Variants in LBR observed in about 807,000 individuals in gnomAD.
LBR encodes delta(14)-sterol reductase LBR.
In LBR, 28 loss-of-function variants were observed where a neutral mutation model predicts 74.3. The observed-to-expected ratio is 0.38, with a 90% CI of 0.28 to 0.52. LBR has a LOEUF of 0.52. Among genes scored for constraint, LBR ranks in the 20% least tolerant of loss-of-function variants. The pLI, the probability that LBR is intolerant of heterozygous loss-of-function variation, is 0.89. For synonymous variants in LBR, 228 were observed against 269.3 expected (o/e 0.85, Z 1.50); for missense variants, 717 against 760.3 (o/e 0.94, Z 0.67).
At chr1:225,414,836 G>A (rs2096113999) in intron 7 of LBR, among the ~76,000 whole-genome samples, 1 of 152,252 alleles carries the variant, frequency 6.6e-6, no homozygotes, top group East Asian at 1.9e-4. Flanking sequence ...AAGACAGATG[G>A]AGGTGAAGAT....
intron 11 of LBR, among the ~76,000 whole-genome samples, chr1:225,406,334 T>C (rs1210203137): frequency 6.6e-6 from 1 of 152,200 alleles, no homozygotes; most frequent in Non-Finnish European, 1.5e-5. Context: ...AAGACAAATC[T>C]TCTTACTTTA....
intron 1 of LBR, among the ~76,000 whole-genome samples, chr1:225,425,223 G>T (rs1240154237): frequency 2.1e-5 from 3 of 144,532 alleles, no homozygotes; most frequent in Non-Finnish European, 2.9e-5. Context: ...GTGGGAGAGT[G>T]GGGGGGGAGG....
intron 10 of LBR, among the ~76,000 whole-genome samples, chr1:225,410,072 C>G (rs1197544534): frequency 6.6e-6 from 1 of 152,192 alleles, no homozygotes; most frequent in Admixed American, 6.5e-5. Flanking sequence ...AACACAAGAA[C>G]AGCTGATAAA....
At chr1:225,420,648 T>C (rs1251624784) in intron 3 of LBR, among the ~76,000 whole-genome samples, 1 of 151,928 alleles carries the variant, frequency 6.6e-6, no homozygotes, top group South Asian at 2.1e-4. Context: ...AATGAAAGGA[T>C]AACAAAGTAT....
At chr1:225,417,056 T>C (rs1423687917) in intron 6 of LBR, among the ~76,000 whole-genome samples, 1 of 152,158 alleles carries the variant, frequency 6.6e-6, no homozygotes, top group African/African-American at 2.4e-5. Context: ...TATATGACTT[T>C]AAACACCAAA....
rs1165472350 is a variant in LBR at position 225,406,913 on chromosome 1, T to G, written c.1315-81A>C. 3 of 1,379,926 alleles carry G rather than the reference T, an allele frequency of 2.2e-6. No homozygotes were observed. In the East Asian group the frequency reaches 6.9e-5, roughly 32 times the overall value. 85.5% of individuals were successfully genotyped at this position (1,379,926 alleles called of 1,614,324 possible). On this transcript the variant is annotated intron_variant, in intron 10 of 13. Transcript: ENST00000272163. ...AATAAAGTACTAGTTTACAGGCAAA[T>G]GTAAAAAGTGCTATGGGCGGGTCCA...
intron 6 of LBR, among the ~76,000 whole-genome samples, chr1:225,415,909 G>A (rs927176100): frequency 4.6e-5 from 7 of 151,970 alleles, no homozygotes; most frequent in African/African-American, 1.7e-4. Flanking sequence ...TCTGCAATAA[G>A]AGACTGTGAG....
intron 8 of LBR, among the ~76,000 whole-genome samples, 181 bp from the exon 9 acceptor site, chr1:225,411,621 G>C (rs532580059): frequency 6.6e-6 from 1 of 152,178 alleles, no homozygotes; most frequent in Non-Finnish European, 1.5e-5. Context: ...ATGCCTGCCC[G>C]ACTGAAAAGG....
In LBR at chr1:225,402,640, T is replaced by C. The variant is rs1444444885; in HGVS notation, c.*663A>G. 6.6e-6 allele frequency: 1 copy of C among 152,624 alleles called. No individual in the cohort carries two copies. The highest frequency in any genetic ancestry group is 2.4e-5 in the African/African-American group (1 of 41,466). 9.5% of individuals were successfully genotyped at this position (152,624 alleles called of 1,614,324 possible). A position where few individuals can be genotyped will look rare whatever the true frequency, so the allele number is the denominator to read the frequency against. ...CCTGACAATCATCTCACATTCAAAA[T>C]ACTGTACAAAAAAATCTGAAGTCAC... On this transcript the variant is annotated 3_prime_UTR_variant, in exon 14 of 14. Transcript: ENST00000272163.
intron 13 of LBR, 113 bp downstream of exon 13, chr1:225,404,291 G>C: frequency 7.0e-7 from 1 of 1,436,066 alleles, no homozygotes. Flanking sequence ...AGTAGAAAAG[G>C]GCGACAAAAA....
At chr1:225,415,200 C>A in intron 7 of LBR, 78 bp downstream of exon 7, 1 of 949,750 alleles carries the variant, frequency 1.1e-6, no homozygotes, top group South Asian at 1.4e-5. Flanking sequence ...CTGGTCTAAT[C>A]AGCTTTAACA....
At chr1:225,412,424 T>G (rs2096107719) in intron 8 of LBR, 30 bp downstream of exon 8, 1 of 1,608,022 alleles carries the variant, frequency 6.2e-7, no homozygotes, top group African/African-American at 1.3e-5. Context: ...TGGGACGCAT[T>G]CATCCAACAT....
chr1:225,410,482 C>T, intron 9 of LBR, 66 bp from the exon 10 acceptor site: 7 of 1,551,508 alleles, frequency 4.5e-6, no homozygotes, highest in Non-Finnish European at 4.4e-6. Context: ...ACTACAAAGG[C>T]ATGAGTGAGC....
upstream of LBR, among the ~76,000 whole-genome samples, chr1:225,428,284 C>T (rs1029924009): frequency 2.0e-5 from 3 of 152,120 alleles, no homozygotes; most frequent in African/African-American, 4.8e-5. Context: ...GAAACCGAGT[C>T]TGGCGGGGCG....
At chr1:225,416,213 AAGAGAGAGAG>A (rs900533691) in intron 6 of LBR, among the ~76,000 whole-genome samples, 6 of 137,860 alleles carry the variant, frequency 4.4e-5, no homozygotes, top group African/African-American at 1.6e-4. Context: ...AAAAAAAAAA[AAGAGAGAGAG>A]AGAGAGAGAC....
intron 5 of LBR, among the ~76,000 whole-genome samples, chr1:225,418,402 A>G (rs923033109): frequency 6.6e-6 from 1 of 152,010 alleles, no homozygotes; most frequent in African/African-American, 2.4e-5. Context: ...AAAATAAAAA[A>G]AAAAAGAAAG....
chr1:225,424,235 T>G, intron 1 of LBR, 146 bp from the exon 2 acceptor site: 2 of 718,600 alleles, frequency 2.8e-6, no homozygotes, highest in South Asian at 3.1e-5. Context: ...CAATCTCATT[T>G]GGAATCATTT....
intron 3 of LBR, among the ~76,000 whole-genome samples, chr1:225,421,220 G>A (rs529169387): frequency 4.6e-5 from 7 of 152,168 alleles, no homozygotes; most frequent in South Asian, 2.1e-4. Context: ...GTTGCCGGGC[G>A]CAGTGGCTCA....
At position 225,410,158 on chromosome 1, in the gene LBR, G is replaced by A. The variant is rs140805690; in HGVS notation, c.1314+133C>T. On this transcript the variant is annotated intron_variant, in intron 10 of 13. Transcript: ENST00000272163. The stretch of plus-strand genomic sequence containing the variant: ...TCGTCAGCTTCACATGGATGGCCTC[G>A]TCCTCCTCTCAAGCAGCCTTGGAGG... 1.1e-3 allele frequency: 1,447 copies of A among 1,375,658 alleles called. 15 individuals carry two copies. The African/African-American group carries it at 0.017, about 16-fold the overall frequency. 85.2% of individuals were successfully genotyped at this position (1,375,658 alleles called of 1,614,324 possible). A position where few individuals can be genotyped will look rare whatever the true frequency, so the allele number is the denominator to read the frequency against.
Sources: allele counts gnomAD v4.1 joint callset (sites outside exome capture counted in the v4.1 genomes callset), GRCh38; gene constraint gnomAD v4.1.1; transcripts MANE v1.5; gene names NCBI Gene and HGNC (gene_info 2026-07-23, HGNC 2026-07-21).